ZNF490: variants seen among roughly 807,000 people sequenced by gnomAD.
The protein encoded by ZNF490 is zinc finger protein 490.
ZNF490 carries 11 observed loss-of-function variants against 17.7 expected under a neutral mutation model. That is an observed-to-expected ratio of 0.62 (90% CI 0.39 to 1.03). The LOEUF is 1.03. Ranked by LOEUF, ZNF490 falls within the 50% of genes least tolerant of loss-of-function variation. The probability of loss-of-function intolerance (pLI) is 0.00; values close to 1 mark genes in which losing one functional copy is unlikely to be tolerated. For missense variants in ZNF490, 542 were observed against 643.4 expected (o/e 0.84, Z 1.71); for synonymous variants, 222 against 216.1 (o/e 1.03, Z -0.24).
intron 2 of ZNF490, chr19:12,597,416 G>T: frequency 3.6e-6 from 1 of 280,502 alleles, no homozygotes; most frequent in Non-Finnish European, 7.2e-6. Flanking sequence ...TGGTTGAGCC[G>T]AGCTAGCTTC....
intron 2 of ZNF490, among the ~76,000 whole-genome samples, chr19:12,590,970 G>C (rs889946355): frequency 3.3e-5 from 5 of 151,312 alleles, no homozygotes; most frequent in Non-Finnish European, 7.4e-5. Context: ...AATGAAAATA[G>C]ATCAAAGATG....
intron 2 of ZNF490, among the ~76,000 whole-genome samples, chr19:12,596,644 G>A (rs2022937212): frequency 1.3e-5 from 2 of 152,124 alleles, no homozygotes; most frequent in Admixed American, 1.3e-4. Flanking sequence ...CAGCCTGGGC[G>A]ACACTGCGAG....
Position 12,578,806 on chromosome 19 carries a change from C to T in ZNF490, c.*1679G>A, listed in dbSNP as rs1361765035. The T allele has an allele frequency of 9.1e-6, 9 of 985,350 alleles. No homozygotes were observed. In the East Asian group the frequency reaches 9.1e-4, roughly 99 times the overall value. The allele number at this position is 985,350 out of a possible 1,614,324, so 61.0% of individuals were successfully genotyped here. A position where few individuals can be genotyped will look rare whatever the true frequency, so the allele number is the denominator to read the frequency against. On this transcript the variant is annotated 3_prime_UTR_variant, in exon 5 of 5. Transcript: ENST00000311437. Reference sequence around the variant, plus strand: ...TTTCCTAACTTCTGACTGGATGCCACAAAAGGCCTGCTGGGGCCCAAGTCC... The same window carrying T: ...TTTCCTAACTTCTGACTGGATGCCATAAAAGGCCTGCTGGGGCCCAAGTCC...
At chr19:12,603,553 A>G (rs1352639296) in intron 2 of ZNF490, among the ~76,000 whole-genome samples, 1 of 152,014 alleles carries the variant, frequency 6.6e-6, no homozygotes, top group African/African-American at 2.4e-5. Context: ...GTACTTTGGG[A>G]GGCCAAGGTA....
Position 12,583,512 on chromosome 19 carries a change from C to T in ZNF490, c.207G>A (p.Glu69=), listed in dbSNP as rs2022767357. Residue 69 remains glutamate (E), a synonymous_variant, in exon 3 of 5, where the codon GAG becomes GAA. Coordinates refer to ENST00000311437, the MANE Select transcript of ZNF490 (RefSeq NM_020714.3). ...GGCCAGGATCCAGCAAAGCCCACTC[C>T]TCCAGGGTGAAGTTCACAGCCACAT... is the stretch of plus-strand genomic sequence containing the variant. The part of the protein sequence containing the change: ...LEDVAVNFTL[E]EWALLDPGQR... 1 of 1,606,534 alleles carries T rather than the reference C, an allele frequency of 6.2e-7. No individual in the cohort carries two copies. The highest frequency in any genetic ancestry group is 8.5e-7 in the Non-Finnish European group (1 of 1,175,078).
At position 12,584,399 on chromosome 19, in the gene ZNF490, G is replaced by GC. The variant is rs1409725468; in HGVS notation, c.163-844dup. Among the ~76,000 whole-genome samples the GC allele has an allele frequency of 1.1e-4, 10 of 91,368 alleles. 5 individuals are homozygous for GC. Among genetic ancestry groups the GC allele is most frequent in the Non-Finnish European group, 2.3e-4 (8 of 34,164 alleles). 59.9% of individuals were successfully genotyped at this position (91,368 alleles called of 152,430 possible). ...TCTTGATCTCCTGACCTCGTGAATC[G>GC]CCCCCCTCGGCCTCCCAAAGTGCTG... On this transcript the variant is annotated intron_variant, in intron 2 of 4. Coordinates refer to ENST00000311437, the MANE Select transcript of ZNF490 (RefSeq NM_020714.3).
chr19:12,590,114 A>G (rs577195279), intron 2 of ZNF490, among the ~76,000 whole-genome samples: 1 of 151,458 alleles, frequency 6.6e-6, no homozygotes, highest in African/African-American at 2.4e-5. Context: ...ACGGGGTTTC[A>G]CCATATTGAC....
rs753788913 is a variant in ZNF490 at position 12,580,603 on chromosome 19, A to T, written c.1472T>A (p.Val491Glu). ...TTCTCCAGTATGAATTCTTTTGTGT[A>T]CTTTCAGGGAATTTAAACAAGTGAA... ...KAFTCLNSLK[V>E]HKRIHTGERP... Residue 491 changes from valine to glutamate, a missense_variant, in exon 5 of 5, where the codon GTA becomes GAA. By Grantham distance (121) the Val-to-Glu change is moderately radical. Transcript: ENST00000311437. 6.2e-7 allele frequency: 1 copy of T among 1,614,160 alleles called. No individual in the cohort carries two copies. The highest frequency in any genetic ancestry group is 8.5e-7 in the Non-Finnish European group (1 of 1,180,022).
intron 2 of ZNF490, among the ~76,000 whole-genome samples, chr19:12,597,467 G>A (rs1382562458): frequency 1.3e-5 from 2 of 152,118 alleles, no homozygotes; most frequent in Non-Finnish European, 2.9e-5. Context: ...GCATGTAAGA[G>A]GAATTTGTTC....
Position 12,576,736 on chromosome 19 carries a change from G to A in ZNF490, c.*3749C>T, listed in dbSNP as rs1023532537. The stretch of plus-strand genomic sequence containing the variant: ...GGAGGCTGAGGCAGGAGAATTGCTT[G>A]AACCTGAGAAGTGGAGGTTGCAGTG... On this transcript the variant is annotated 3_prime_UTR_variant, in exon 5 of 5. Transcript: ENST00000311437. 1.4e-5 allele frequency among the ~76,000 whole-genome samples: 2 copies of A among 140,852 alleles called. No homozygotes were observed. Among genetic ancestry groups the A allele is most frequent in the African/African-American group, 5.4e-5 (2 of 36,832 alleles). 92.4% of individuals were successfully genotyped at this position (140,852 alleles called of 152,430 possible). A position where few individuals can be genotyped will look rare whatever the true frequency, so the allele number is the denominator to read the frequency against.
chr19:12,583,619 C>G (rs1012301152), intron 2 of ZNF490, 63 bp from the exon 3 acceptor site: 5 of 1,454,924 alleles, frequency 3.4e-6, no homozygotes, highest in Middle Eastern at 3.9e-4. Context: ...AGGATCCATT[C>G]TCAGAATTCC....
chr19:12,599,139 C>CAAAAAAAAAAAA (rs55911311), intron 2 of ZNF490, among the ~76,000 whole-genome samples: 14 of 68,622 alleles, frequency 2.0e-4, no homozygotes, highest in Non-Finnish European at 2.4e-4. Context: ...GACTCTGTCT[C>CAAAAAAAAAAAA]AAAAAAAAAA....
intron 2 of ZNF490, among the ~76,000 whole-genome samples, chr19:12,602,584 T>C (rs2145164364): frequency 6.6e-6 from 1 of 150,922 alleles, no homozygotes; most frequent in Middle Eastern, 3.4e-3. Context: ...TCCTAGAGGG[T>C]AATGGTCATC....
chr19:12,610,115 G>A, intron 1 of ZNF490: 1 of 374,704 alleles, frequency 2.7e-6, no homozygotes, highest in South Asian at 2.1e-5. Context: ...ATCGTGATTG[G>A]TCTGAAGAGT....
intron 2 of ZNF490, among the ~76,000 whole-genome samples, chr19:12,597,855 G>A (rs2022953717): frequency 6.6e-6 from 1 of 152,140 alleles, no homozygotes; most frequent in Non-Finnish European, 1.5e-5. Flanking sequence ...AGGATCCCTT[G>A]AGGCCAGGAT....
Position 12,576,829 on chromosome 19 carries a change from A to C in ZNF490, c.*3656T>G, listed in dbSNP as rs1298015798. Among the ~76,000 whole-genome samples, 1 of 151,146 alleles carries C rather than the reference A, an allele frequency of 6.6e-6. No individual in the cohort carries two copies. The highest frequency in any genetic ancestry group is 1.5e-5 in the Non-Finnish European group (1 of 67,832). ...AATCCATCTCAAAAAAAAAAAAAAAAAAAAAAACCTAAAAGCATTCCATAT... is the reference window on the plus strand; with the variant it reads ...AATCCATCTCAAAAAAAAAAAAAAACAAAAAAACCTAAAAGCATTCCATAT... On this transcript the variant is annotated 3_prime_UTR_variant, in exon 5 of 5. Transcript: ENST00000311437.
rs1289966875 is a variant in ZNF490, at chr19:12,584,430, A to G, written c.163-874T>C. On this transcript the variant is annotated intron_variant, in intron 2 of 4. Coordinates refer to ENST00000311437, the MANE Select transcript of ZNF490 (RefSeq NM_020714.3). The stretch of plus-strand genomic sequence containing the variant: ...CTCGGCCTCCCAAAGTGCTGGGATT[A>G]CAGGCGTGAGCCACCGCGCCCGGCC... 3.2e-5 allele frequency among the ~76,000 whole-genome samples: 3 copies of G among 94,628 alleles called. No homozygotes were observed. In the East Asian group the frequency reaches 6.1e-4, roughly 19 times the overall value. The allele number at this position is 94,628 out of a possible 152,430, so 62.1% of individuals were successfully genotyped here.
intron 2 of ZNF490, among the ~76,000 whole-genome samples, chr19:12,601,171 G>A (rs2022998355): frequency 6.6e-6 from 1 of 151,752 alleles, no homozygotes; most frequent in African/African-American, 2.4e-5. Context: ...GGTAGATCAC[G>A]AGGTCAGGAG....
chr19:12,603,102 G>A (rs1437760779), intron 2 of ZNF490, among the ~76,000 whole-genome samples: 1 of 152,138 alleles, frequency 6.6e-6, no homozygotes, highest in Non-Finnish European at 1.5e-5. Context: ...AAAGAAAGTT[G>A]TGATATTGTG....
Sources: allele counts gnomAD v4.1 joint callset (sites outside exome capture counted in the v4.1 genomes callset), GRCh38; gene constraint gnomAD v4.1.1; transcripts MANE v1.5; gene names NCBI Gene and HGNC (gene_info 2026-07-23, HGNC 2026-07-21).